Variants in ATXN7 observed in about 807,000 individuals in gnomAD.
The protein encoded by ATXN7 is ataxin-7.
A neutral mutation model predicts 70.5 loss-of-function variants in ATXN7; 12 were observed. The observed-to-expected ratio is 0.17, with a 90% CI of 0.11 to 0.28. ATXN7 has a LOEUF of 0.28. Ranked by LOEUF, ATXN7 falls within the 10% of genes least tolerant of loss-of-function variation. The pLI is 1.00. For missense variants in ATXN7, 1,256 were observed against 1,131.7 expected (o/e 1.11, Z -1.58); for synonymous variants, 498 against 448.7 (o/e 1.11, Z -1.39).
intron 9 of ATXN7, 199 bp downstream of exon 9, chr3:63,988,523 A>T: frequency 1.5e-6 from 1 of 672,302 alleles, no homozygotes. Context: ...CTTGGTTGTA[A>T]ATGCAAGCAG....
chr3:63,951,201 A>C (rs985909988), intron 4 of ATXN7, among the ~76,000 whole-genome samples: 2 of 152,134 alleles, frequency 1.3e-5, no homozygotes, highest in Admixed American at 6.5e-5. Context: ...TGTGCAATTC[A>C]GTGTAATAGA....
intron 1 of ATXN7, among the ~76,000 whole-genome samples, chr3:63,876,894 A>G (rs1213904085): frequency 6.6e-6 from 1 of 152,222 alleles, no homozygotes; most frequent in Non-Finnish European, 1.5e-5. Flanking sequence ...TACAGAGAGA[A>G]ATAGTTGTAT....
intron 1 of ATXN7, among the ~76,000 whole-genome samples, chr3:63,887,071 TCAC>T (rs1703109795): frequency 6.6e-6 from 1 of 152,192 alleles, no homozygotes; most frequent in East Asian, 1.9e-4. Context: ...TCAAATTGCA[TCAC>T]CATAGAAAGG....
At chr3:63,961,984 G>T (rs2075140183) in intron 5 of ATXN7, among the ~76,000 whole-genome samples, 1 of 152,078 alleles carries the variant, frequency 6.6e-6, no homozygotes, top group Admixed American at 6.5e-5. Flanking sequence ...ACCCCACTAA[G>T]CTGTGATCTT....
intron 2 of ATXN7, chr3:63,900,941 G>A (rs1703615072): frequency 6.6e-6 from 1 of 152,248 alleles, no homozygotes; most frequent in African/African-American, 2.4e-5. Context: ...AAACCATCCG[G>A]TCCATGATCC....
chr3:63,946,223 A>G, intron 4 of ATXN7, among the ~76,000 whole-genome samples: 1 of 152,182 alleles, frequency 6.6e-6, no homozygotes, highest in South Asian at 2.1e-4. Context: ...AATGGCAGGC[A>G]TAAAGGGTAT....
At chr3:63,895,001 C>G (rs1703399359) in intron 1 of ATXN7, among the ~76,000 whole-genome samples, 1 of 152,068 alleles carries the variant, frequency 6.6e-6, no homozygotes, top group Admixed American at 6.6e-5. Context: ...TTTATAAGAT[C>G]ACAACTCTTT....
chr3:63,995,881 G>C lies in ATXN7; in HGVS notation c.2059G>C (p.Gly687Arg). 1 of 1,614,194 alleles carries C rather than the reference G, an allele frequency of 6.2e-7. No homozygotes were observed. The highest frequency in any genetic ancestry group is 8.5e-7 in the Non-Finnish European group (1 of 1,180,026). ...SKSLRPKESS[G>R]NSTNCQNASS... ...ATCTTTGAGGCCCAAGGAGTCTTCT[G>C]GTAACAGCACTAACTGTCAAAATGC... Residue 687 changes from glycine (G) to arginine (R), a missense_variant, in exon 12 of 13, where the codon GGT (glycine) becomes CGT (arginine). Gly to Arg is a moderately radical substitution (Grantham distance 125, BLOSUM62 -2). Transcript: ENST00000674280.
At chr3:63,928,482 G>C (rs971537307) in intron 4 of ATXN7, among the ~76,000 whole-genome samples, 1 of 152,068 alleles carries the variant, frequency 6.6e-6, no homozygotes, top group African/African-American at 2.4e-5. Context: ...GACAATACCT[G>C]GTAGAAAGTA....
At chr3:63,915,629 T>C (rs998528169) in intron 4 of ATXN7, among the ~76,000 whole-genome samples, 1 of 152,144 alleles carries the variant, frequency 6.6e-6, no homozygotes, top group African/African-American at 2.4e-5. Flanking sequence ...TGAAGAAATA[T>C]GTAGATAAAT....
At chr3:63,903,121 A>G (rs905703765) in intron 2 of ATXN7, among the ~76,000 whole-genome samples, 3 of 152,020 alleles carry the variant, frequency 2.0e-5, no homozygotes, top group African/African-American at 7.2e-5. Flanking sequence ...TGGGCCGGGC[A>G]CGGTGGCTCA....
At chr3:63,863,563 G>T, upstream of ATXN7, 5 of 1,196,602 alleles carry the variant, frequency 4.2e-6, no homozygotes, top group Non-Finnish European at 5.2e-6. Context: ...TCTCCGAGGG[G>T]CGCTCGGGCT....
chr3:63,997,955 A>G (rs1233458477), intron 12 of ATXN7: 4 of 985,296 alleles, frequency 4.1e-6, no homozygotes, highest in East Asian at 1.1e-4. Flanking sequence ...ACAAATGAGA[A>G]GTGTGCTTTT....
At chr3:63,910,668 A>G (rs1703980497) in intron 2 of ATXN7, among the ~76,000 whole-genome samples, 1 of 152,206 alleles carries the variant, frequency 6.6e-6, no homozygotes, top group South Asian at 2.1e-4. Flanking sequence ...TTAAAGCTGT[A>G]GAAATGATTT....
intron 4 of ATXN7, among the ~76,000 whole-genome samples, chr3:63,942,884 C>G (rs920298292): frequency 2.6e-5 from 4 of 152,102 alleles, no homozygotes; most frequent in African/African-American, 7.2e-5. Flanking sequence ...GTAACTTGCC[C>G]AAGGGTCATG....
At chr3:63,922,104 G>A (rs1356396334) in intron 4 of ATXN7, among the ~76,000 whole-genome samples, 1 of 151,808 alleles carries the variant, frequency 6.6e-6, no homozygotes, top group African/African-American at 2.4e-5. Flanking sequence ...CATGATCCAT[G>A]GCTCACTGCA....
At chr3:63,917,170 T>A (rs1001769241) in intron 4 of ATXN7, among the ~76,000 whole-genome samples, 2 of 152,170 alleles carry the variant, frequency 1.3e-5, no homozygotes, top group African/African-American at 2.4e-5. Flanking sequence ...TCCACCCACC[T>A]CGGCCTCCCA....
At chr3:63,895,601 C>T (rs540464074) in intron 1 of ATXN7, among the ~76,000 whole-genome samples, 2 of 152,268 alleles carry the variant, frequency 1.3e-5, no homozygotes, top group African/African-American at 4.8e-5. Context: ...TCTTAGAACC[C>T]TAGGGAACCT....
intron 1 of ATXN7, among the ~76,000 whole-genome samples, chr3:63,881,522 T>C (rs941205374): frequency 5.5e-5 from 8 of 146,386 alleles, no homozygotes; most frequent in Non-Finnish European, 8.9e-5. Flanking sequence ...GGAGTCTCGC[T>C]CTGTCGCCTG....
Sources: allele counts gnomAD v4.1 joint callset (sites outside exome capture counted in the v4.1 genomes callset), GRCh38; gene constraint gnomAD v4.1.1; transcripts MANE v1.5; gene names NCBI Gene and HGNC (gene_info 2026-07-23, HGNC 2026-07-21).